Variants in PRORP observed in about 807,000 individuals in gnomAD.
PRORP encodes the protein mitochondrial ribonuclease P catalytic subunit.
A neutral mutation model predicts 59.4 loss-of-function variants in PRORP; 51 were observed. That is an observed-to-expected ratio of 0.86 (90% CI 0.69 to 1.08). PRORP has a LOEUF of 1.08. PRORP is among the 50% of genes least tolerant of loss of function. The pLI is 0.00. For missense variants in PRORP, 646 were observed against 690.3 expected, an observed-to-expected ratio of 0.94 and a Z score of 0.72; for synonymous variants, 231 against 245.6, an observed-to-expected ratio of 0.94 and a Z score of 0.55.
intron 5 of PRORP, among the ~76,000 whole-genome samples, chr14:35,202,666 A>C (rs763655033): frequency 6.6e-6 from 1 of 151,942 alleles, no homozygotes; most frequent in Non-Finnish European, 1.5e-5. Context: ...GCCTCCTTCT[A>C]TCACCCAGGC....
intron 5 of PRORP, among the ~76,000 whole-genome samples, chr14:35,208,436 C>T (rs1051469956): frequency 2.6e-5 from 4 of 152,108 alleles, no homozygotes; most frequent in African/African-American, 9.7e-5. Flanking sequence ...ATAATAATTT[C>T]TAAACATTAT....
At chr14:35,263,484 T>A (rs1179770775) in intron 5 of PRORP, among the ~76,000 whole-genome samples, 1 of 152,076 alleles carries the variant, frequency 6.6e-6, no homozygotes, top group African/African-American at 2.4e-5. Context: ...GTCAGGAGTT[T>A]GAGACCAGCC....
intron 4 of PRORP, among the ~76,000 whole-genome samples, chr14:35,172,390 T>C (rs1049534642): frequency 1.3e-5 from 2 of 151,498 alleles, no homozygotes; most frequent in African/African-American, 4.8e-5. Context: ...CTCAGGCATC[T>C]ACACTTTGGA....
intron 5 of PRORP, among the ~76,000 whole-genome samples, chr14:35,252,446 C>A (rs533884253): frequency 5.3e-5 from 8 of 152,052 alleles, no homozygotes; most frequent in African/African-American, 1.7e-4. Context: ...AACAAACAAA[C>A]AAAAAAACAA....
chr14:35,217,462 C>A (rs1437065422), intron 5 of PRORP, among the ~76,000 whole-genome samples: 1 of 147,826 alleles, frequency 6.8e-6, no homozygotes, highest in African/African-American at 2.5e-5. Flanking sequence ...GATTGTGTCA[C>A]TGCACTCCGG....
At chr14:35,268,582 T>G (rs1313930058) in intron 6 of PRORP, among the ~76,000 whole-genome samples, 1 of 152,096 alleles carries the variant, frequency 6.6e-6, no homozygotes, top group African/African-American at 2.4e-5. Context: ...ACTTCAAGAT[T>G]TGTCAGTATT....
rs2051051438 is a variant in PRORP at position 35,266,716 on chromosome 14, G to A, written c.1276-11G>A. On this transcript the variant is annotated splice_polypyrimidine_tract_variant and intron_variant, in intron 5 of 7. Coordinates refer to ENST00000534898, the MANE Select transcript of PRORP (RefSeq NM_014672.4). ...CTTGAACTTTTGTGGTTCTGGCTTT[G>A]TGTTTTTTAGCTCTTGAATGTCGTC... The A allele has an allele frequency of 6.2e-7, 1 of 1,612,706 alleles. No homozygotes were observed. Among genetic ancestry groups the A allele is most frequent in the East Asian group, 2.2e-5 (1 of 44,850 alleles).
At position 35,145,143 on chromosome 14, in the gene PRORP, T is replaced by A. The variant is rs892420645; in HGVS notation, c.1167+17532T>A. Among the ~76,000 whole-genome samples the A allele has an allele frequency of 1.4e-5, 2 of 144,178 alleles. 1 individual carries two copies. Among genetic ancestry groups the A allele is most frequent in the Non-Finnish European group, 3.1e-5 (2 of 65,160 alleles). The allele number at this position is 144,178 out of a possible 152,430, so 94.6% of individuals were successfully genotyped here. On this transcript the variant is annotated intron_variant, in intron 4 of 7. Transcript: ENST00000534898. ...ACACCACCACGACCAGCTAATTTTTTAATTTTTTGTAGAGATGGGGGATCT... is the reference window on the plus strand; with the variant it reads ...ACACCACCACGACCAGCTAATTTTTAAATTTTTTGTAGAGATGGGGGATCT...
intron 4 of PRORP, among the ~76,000 whole-genome samples, chr14:35,163,078 G>C (rs1199428007): frequency 6.6e-6 from 1 of 151,710 alleles, no homozygotes; most frequent in Non-Finnish European, 1.5e-5. Context: ...TTATAACTTG[G>C]GTTCTGGCAC....
intron 5 of PRORP, among the ~76,000 whole-genome samples, chr14:35,245,582 T>G (rs1390059306): frequency 6.6e-6 from 1 of 152,132 alleles, no homozygotes; most frequent in Non-Finnish European, 1.5e-5. Flanking sequence ...GAGGTCTAGG[T>G]TGCAGTGAGC....
intron 5 of PRORP, among the ~76,000 whole-genome samples, chr14:35,238,540 T>C (rs1431224503): frequency 6.6e-6 from 1 of 152,086 alleles, no homozygotes; most frequent in African/African-American, 2.4e-5. Flanking sequence ...GTGATGACAG[T>C]GGAATCTAAA....
At chr14:35,194,672 T>TA (rs1194449411) in intron 5 of PRORP, among the ~76,000 whole-genome samples, 10 of 152,058 alleles carry the variant, frequency 6.6e-5, no homozygotes, top group Admixed American at 2.6e-4. Context: ...TCCCAGAACT[T>TA]AAAGTATAAT....
chr14:35,262,525 C>T (rs1367175216), intron 5 of PRORP: 13 of 618,104 alleles, frequency 2.1e-5, no homozygotes, highest in Non-Finnish European at 3.3e-5. Context: ...TCTGAAGGGA[C>T]ACACAGTTAC....
In PRORP at chr14:35,276,146, A is replaced by T. The variant is rs542087310; in HGVS notation, c.*2580A>T. ...AACACAGGGAGACCCGTGTCGACAA[A>T]AAATTTAAAAATTAGCTGGGCATGG... On this transcript the variant is annotated 3_prime_UTR_variant, in exon 8 of 8. Coordinates refer to ENST00000534898, the MANE Select transcript of PRORP (RefSeq NM_014672.4). 6.6e-6 allele frequency: 1 copy of T among 152,354 alleles called. No homozygotes were observed. Among genetic ancestry groups the T allele is most frequent in the African/African-American group, 2.4e-5 (1 of 41,550 alleles). 9.4% of individuals were successfully genotyped at this position (152,354 alleles called of 1,614,324 possible).
chr14:35,255,242 C>T (rs2050720819), intron 5 of PRORP, among the ~76,000 whole-genome samples: 1 of 152,156 alleles, frequency 6.6e-6, no homozygotes, highest in African/African-American at 2.4e-5. Flanking sequence ...ATTCTCCTGC[C>T]TCAGCCTCCC....
Position 35,126,122 on chromosome 14 carries a change from G to C in PRORP, c.987-613G>C, listed in dbSNP as rs566362270. Among the ~76,000 whole-genome samples the C allele has an allele frequency of 2.0e-5, 3 of 152,144 alleles. No individual in the cohort carries two copies. In the East Asian group the frequency reaches 5.8e-4, roughly 29 times the overall value. On this transcript the variant is annotated intron_variant, in intron 2 of 7. Transcript: ENST00000534898. Reference sequence around the variant, plus strand: ...TAAGATTGAAAACAGGGAGATCTGCGTGAATACAATTTTAGGTTTAGGTGA... The same window carrying C: ...TAAGATTGAAAACAGGGAGATCTGCCTGAATACAATTTTAGGTTTAGGTGA...
chr14:35,138,209 A>G (rs2047414152), intron 4 of PRORP, among the ~76,000 whole-genome samples: 1 of 144,966 alleles, frequency 6.9e-6, no homozygotes, highest in East Asian at 2.3e-4. Context: ...AAGGACACCC[A>G]TCAGATTTGA....
At position 35,166,014 on chromosome 14, in the gene PRORP, TA is replaced by T. The variant is rs766727620; in HGVS notation, c.1168-14655del. Among the ~76,000 whole-genome samples, 99 of 152,166 alleles carry T rather than the reference TA, an allele frequency of 6.5e-4. 1 individual carries two copies. The East Asian group carries it at 0.014, about 21-fold the overall frequency. On this transcript the variant is annotated intron_variant, in intron 4 of 7. Coordinates refer to ENST00000534898, the MANE Select transcript of PRORP (RefSeq NM_014672.4). ...GTATTTTTTAATCTCGGGGAAGTTA[TA>T]TTTTTTTTAAAAAAAAGATTCTTCT...
At chr14:35,184,490 T>TA (rs1345739606) in intron 5 of PRORP, among the ~76,000 whole-genome samples, 1 of 152,198 alleles carries the variant, frequency 6.6e-6, no homozygotes, top group Admixed American at 6.5e-5. Context: ...CACACACTGT[T>TA]ACACTGTTTA....
Sources: gnomAD v4.1 joint callset for allele counts (sites outside exome capture counted in the v4.1 genomes callset) on GRCh38, gnomAD v4.1.1 for gene constraint, MANE v1.5 for transcripts, NCBI Gene and HGNC (gene_info 2026-07-23, HGNC 2026-07-21) for gene names.